The following FANCD2OS variants were observed in gnomAD, a reference collection of about 807,000 sequenced individuals.
The protein encoded by FANCD2OS is FANCD2 opposite strand, also known as FANCD2 opposite strand protein.
A neutral mutation model predicts 13.2 loss-of-function variants in FANCD2OS; 11 were observed. That is an observed-to-expected ratio of 0.83 (90% CI 0.52 to 1.38). The LOEUF (loss-of-function observed/expected upper bound fraction) is 1.38, where lower values mean the gene tolerates loss of function less well. Among genes scored for constraint, FANCD2OS ranks in the 40% most tolerant of loss-of-function variants. FANCD2OS has a pLI of 0.00. For missense variants in FANCD2OS, 217 were observed against 213.9 expected (o/e 1.01, Z -0.09); for synonymous variants, 69 against 84.5 (o/e 0.82, Z 1.01).
At chr3:10,106,846 G>A (rs1259127223) in intron 1 of FANCD2OS, among the ~76,000 whole-genome samples, 2 of 152,154 alleles carry the variant, frequency 1.3e-5, no homozygotes, top group Non-Finnish European at 2.9e-5. Flanking sequence ...TGGAGGCTGC[G>A]GTGAGCCGGG....
rs1695400973 is a variant in FANCD2OS, at chr3:10,104,116, G to C, written c.*125C>G. ...TGAAAGGGGCTCCTGAATCATCACT[G>C]CTTGAAACAAAAGCAAGATGGCTGG... On this transcript the variant is annotated 3_prime_UTR_variant, in exon 2 of 2. Transcript: ENST00000450660. 3 of 896,832 alleles carry C rather than the reference G, an allele frequency of 3.3e-6. No individual in the cohort carries two copies. The highest frequency in any genetic ancestry group is 3.4e-5 in the African/African-American group (2 of 59,218). 55.6% of individuals were successfully genotyped at this position (896,832 alleles called of 1,614,324 possible).
downstream of FANCD2OS, among the ~76,000 whole-genome samples, chr3:10,102,690 A>C (rs994050746): frequency 2.0e-5 from 3 of 151,752 alleles, no homozygotes; most frequent in African/African-American, 7.3e-5. Flanking sequence ...AAAAATACAA[A>C]AAATTAGCTG....
Position 10,085,865 on chromosome 3 carries a change from T to A in FANCD2OS, c.*44-4334A>T, listed in dbSNP as rs1000254003. ...AATTTACTGTATTCAGCCCTCCATG[T>A]CCTTAGTAGCCGACTGAAACAGGGA... On this transcript the variant is annotated intron_variant, in intron 2 of 2. Transcript: ENST00000524279. 5 of 1,613,944 alleles carry A rather than the reference T, an allele frequency of 3.1e-6. No individual in the cohort carries two copies. The Admixed American group carries it at 5.0e-5, about 16-fold the overall frequency.
rs1348547984 is a variant in FANCD2OS at position 10,096,354 on chromosome 3, A to G, written c.*43+7844T>C. ...CACCAGGACACGAGACTCACCCAACATGTGCCTCTGCTCAAAAAGACCCTG... is the reference window on the plus strand; with the variant it reads ...CACCAGGACACGAGACTCACCCAACGTGTGCCTCTGCTCAAAAAGACCCTG... On this transcript the variant is annotated intron_variant, in intron 2 of 2. Coordinates refer to the FANCD2OS transcript ENST00000524279. 1.9e-6 allele frequency: 3 copies of G among 1,614,168 alleles called. No homozygotes were observed. Among genetic ancestry groups the G allele is most frequent in the Non-Finnish European group, 2.5e-6 (3 of 1,179,992 alleles).
At chr3:10,081,655 C>A in intron 2 of FANCD2OS, 1 of 631,888 alleles carries the variant, frequency 1.6e-6, no homozygotes, top group Non-Finnish European at 2.8e-6. Flanking sequence ...CCTTTGGAGC[C>A]ACTATGTTAA....
intron 1 of FANCD2OS, among the ~76,000 whole-genome samples, chr3:10,106,498 G>C (rs1695498143): frequency 6.6e-6 from 1 of 152,012 alleles, no homozygotes; most frequent in African/African-American, 2.4e-5. Flanking sequence ...GTATTTCTCT[G>C]CCCCTTCTTC....
At chr3:10,086,414 C>G (rs1694205513) in intron 2 of FANCD2OS, among the ~76,000 whole-genome samples, 6 of 152,090 alleles carry the variant, frequency 3.9e-5, no homozygotes, top group Admixed American at 3.3e-4. Flanking sequence ...CTTTCTCTCA[C>G]TTCCCTTGGT....
In FANCD2OS at chr3:10,103,943, T is replaced by C; in HGVS notation, c.*298A>G. 1 of 316,860 alleles carries C rather than the reference T, an allele frequency of 3.2e-6. No individual in the cohort carries two copies. Among genetic ancestry groups the C allele is most frequent in the Non-Finnish European group, 5.8e-6 (1 of 173,112 alleles). 19.6% of individuals were successfully genotyped at this position (316,860 alleles called of 1,614,324 possible). A position where few individuals can be genotyped will look rare whatever the true frequency, so the allele number is the denominator to read the frequency against. On this transcript the variant is annotated 3_prime_UTR_variant, in exon 2 of 2. Coordinates refer to ENST00000450660, the MANE Select transcript of FANCD2OS (RefSeq NM_001164839.2). Reference sequence around the variant, plus strand: ...TTGTGGTTGTAGGTGTTTATGTGAGTTCACACTAGGCTCATTGGTTTATAT... The same window carrying C: ...TTGTGGTTGTAGGTGTTTATGTGAGCTCACACTAGGCTCATTGGTTTATAT...
intron 2 of FANCD2OS, chr3:10,087,133 G>C: frequency 6.2e-7 from 1 of 1,614,030 alleles, no homozygotes; most frequent in Non-Finnish European, 8.5e-7. Flanking sequence ...TCTCCTTACA[G>C]CCAGAGCGTC....
chr3:10,098,621 A>G, downstream of FANCD2OS: 1 of 1,465,054 alleles, frequency 6.8e-7, no homozygotes, highest in Non-Finnish European at 9.3e-7. Flanking sequence ...GAATGGCTAA[A>G]ATATCTTCCT....
intron 1 of FANCD2OS, among the ~76,000 whole-genome samples, chr3:10,107,337 G>C (rs1695525198): frequency 6.6e-6 from 1 of 151,708 alleles, no homozygotes; most frequent in South Asian, 2.1e-4. Flanking sequence ...ACTCAGTCTG[G>C]AGTGCAGTGG....
chr3:10,081,550 A>G (rs1258549863), intron 2 of FANCD2OS: 4 of 969,262 alleles, frequency 4.1e-6, no homozygotes, highest in Admixed American at 1.7e-5. Context: ...TAGAAAAGAA[A>G]GAAAAGGTTC....
downstream of FANCD2OS, chr3:10,101,720 G>T: frequency 3.9e-6 from 1 of 256,684 alleles, no homozygotes; most frequent in Non-Finnish European, 7.6e-6. Flanking sequence ...ATTAACTTGT[G>T]GACATCATGG....
At chr3:10,093,828 C>T (rs1694796397) in intron 2 of FANCD2OS, among the ~76,000 whole-genome samples, 1 of 152,188 alleles carries the variant, frequency 6.6e-6, no homozygotes, top group Admixed American at 6.5e-5. Context: ...GATGGTGCCC[C>T]ATTCTTGTCA....
At chr3:10,084,734 T>G (rs1694075888) in intron 2 of FANCD2OS, among the ~76,000 whole-genome samples, 1 of 152,188 alleles carries the variant, frequency 6.6e-6, no homozygotes, top group South Asian at 2.1e-4. Flanking sequence ...CTATCACTGG[T>G]GATCAGGAAG....
At chr3:10,108,394 C>T (rs148210887), upstream of FANCD2OS, among the ~76,000 whole-genome samples, 57 of 152,312 alleles carry the variant, frequency 3.7e-4, no homozygotes, top group African/African-American at 1.3e-3. Flanking sequence ...CAGGGCCACA[C>T]TCCCCGCCCC....
At chr3:10,105,766 AAAAAATTATATATATATATATATATAT>A (rs1248340006) in intron 1 of FANCD2OS, among the ~76,000 whole-genome samples, 1 of 58,704 alleles carries the variant, frequency 1.7e-5, no homozygotes, top group African/African-American at 1.2e-4. Context: ...AAAAAAAAAA[AAAAAATTATATATATATATATATATAT>A]ATATATATAT....
chr3:10,105,766 AAAAAATTATATATATATATATAT>A (rs1190173007), intron 1 of FANCD2OS, among the ~76,000 whole-genome samples: 6 of 58,720 alleles, frequency 1.0e-4, no homozygotes, highest in African/African-American at 7.3e-4. Flanking sequence ...AAAAAAAAAA[AAAAAATTATATATATATATATAT>A]ATATATATAT....
chr3:10,096,111 A>G (rs1694942819), intron 2 of FANCD2OS, among the ~76,000 whole-genome samples: 1 of 152,160 alleles, frequency 6.6e-6, no homozygotes, highest in South Asian at 2.1e-4. Flanking sequence ...ATGAAGAGGA[A>G]CTAGAGGTGT....
Sources: allele counts gnomAD v4.1 joint callset (sites outside exome capture counted in the v4.1 genomes callset), GRCh38; gene constraint gnomAD v4.1.1; transcripts MANE v1.5; gene names NCBI Gene and HGNC (gene_info 2026-07-23, HGNC 2026-07-21).